The following UBA6 variants were observed in gnomAD, a reference collection of about 807,000 sequenced individuals.
UBA6 encodes the protein ubiquitin-like modifier-activating enzyme 6.
UBA6 carries 87 observed loss-of-function variants against 148.3 expected under a neutral mutation model. The observed-to-expected ratio is 0.59, with a 90% CI of 0.49 to 0.70. The LOEUF (loss-of-function observed/expected upper bound fraction) is 0.70, where lower values mean the gene tolerates loss of function less well. UBA6 is among the 30% of genes least tolerant of loss of function. The pLI, the probability that UBA6 is intolerant of heterozygous loss-of-function variation, is 0.00. For missense variants in UBA6, 1,186 were observed against 1,241.2 expected (o/e 0.96, Z 0.67); for synonymous variants, 376 against 401.0 (o/e 0.94, Z 0.75).
chr4:67,681,690 C>G (rs1730443517), intron 3 of UBA6, 99 bp from the exon 4 acceptor site: 1 of 796,926 alleles, frequency 1.3e-6, no homozygotes, highest in Non-Finnish European at 2.0e-6. Context: ...ATACTTTTAA[C>G]TTCTTTTTTT....
intron 6 of UBA6, among the ~76,000 whole-genome samples, chr4:67,675,621 C>G (rs921358681): frequency 6.6e-6 from 1 of 152,034 alleles, no homozygotes; most frequent in Admixed American, 6.6e-5. Flanking sequence ...ATCCCAGCTA[C>G]TTGGGAGGCT....
chr4:67,664,099 A>C, intron 10 of UBA6, 152 bp from the exon 11 acceptor site: 1 of 511,260 alleles, frequency 2.0e-6, no homozygotes, highest in Non-Finnish European at 3.4e-6. Context: ...CTGAAATATA[A>C]ACTAGCTACC....
At chr4:67,670,689 G>C in intron 7 of UBA6, 97 bp from the exon 8 acceptor site, 1 of 914,240 alleles carries the variant, frequency 1.1e-6, no homozygotes. Flanking sequence ...TTATAATTAA[G>C]TATACCTTAC....
chr4:67,699,463 A>C (rs1277095153), intron 1 of UBA6, among the ~76,000 whole-genome samples: 1 of 152,224 alleles, frequency 6.6e-6, no homozygotes, highest in African/African-American at 2.4e-5. Flanking sequence ...ATAGCTATTA[A>C]AAAAACTGAT....
intron 1 of UBA6, among the ~76,000 whole-genome samples, chr4:67,697,998 A>C (rs908014687): frequency 6.6e-6 from 1 of 152,160 alleles, no homozygotes; most frequent in Non-Finnish European, 1.5e-5. Flanking sequence ...CTCCAATTTC[A>C]ACTCCCACCA....
In UBA6 at chr4:67,619,003, A is replaced by C. The variant is rs1728690510; in HGVS notation, c.3153T>G (p.Thr1051=). The part of the protein sequence containing the change: ...PPVRYYFSHD[T]D Reference sequence around the variant, plus strand: ...AACGTTAAGACAACTTGTATTAATCAGTGTCATGACTGAAGTAGTATCTTA... The same window carrying C: ...AACGTTAAGACAACTTGTATTAATCCGTGTCATGACTGAAGTAGTATCTTA... The change falls in exon 33 of 33, where the codon ACT becomes ACG. Residue 1051 remains threonine (T), a synonymous_variant. Transcript: ENST00000322244. 1 of 1,613,472 alleles carries C rather than the reference A, an allele frequency of 6.2e-7. No homozygotes were observed. Among genetic ancestry groups the C allele is most frequent in the Non-Finnish European group, 8.5e-7 (1 of 1,179,810 alleles).
intron 2 of UBA6, among the ~76,000 whole-genome samples, chr4:67,691,215 C>G (rs1411095542): frequency 6.6e-6 from 1 of 151,846 alleles, no homozygotes; most frequent in Non-Finnish European, 1.5e-5. Context: ...TGCATGAAAT[C>G]TATGTACATA....
intron 13 of UBA6, among the ~76,000 whole-genome samples, chr4:67,652,646 G>A (rs939208335): frequency 1.3e-5 from 2 of 152,196 alleles, no homozygotes; most frequent in Non-Finnish European, 2.9e-5. Context: ...TCCAACTGAG[G>A]TATCTGGTTC....
chr4:67,643,067 T>C (rs1039092843), intron 17 of UBA6, among the ~76,000 whole-genome samples: 3 of 151,966 alleles, frequency 2.0e-5, no homozygotes, highest in African/African-American at 7.2e-5. Flanking sequence ...TAGCTCTCTT[T>C]ATCTCTGATC....
chr4:67,644,879 GA>G (rs143223029), intron 16 of UBA6, 101 bp from the exon 17 acceptor site: 75,013 of 482,570 alleles, frequency 0.16, 5,170 homozygotes, highest in Middle Eastern at 0.24. Context: ...CTGTTTCAAC[GA>G]AAAAAAAAAG....
At chr4:67,639,146 A>C in intron 18 of UBA6, 22 bp from the exon 19 acceptor site, 4 of 1,582,842 alleles carry the variant, frequency 2.5e-6, no homozygotes, top group Non-Finnish European at 2.6e-6. Context: ...ATATAAGCAG[A>C]AGGAATATGT....
chr4:67,681,367 C>G (rs576708250), intron 4 of UBA6, among the ~76,000 whole-genome samples, 196 bp downstream of exon 4: 1 of 152,184 alleles, frequency 6.6e-6, no homozygotes, highest in East Asian at 1.9e-4. Flanking sequence ...GAGTTGGTAA[C>G]TGATGCTTTC....
Position 67,646,754 on chromosome 4 carries a change from C to T in UBA6, c.1286G>A (p.Gly429Asp), listed in dbSNP as rs1408400218. 3.9e-5 allele frequency: 63 copies of T among 1,604,832 alleles called. No individual in the cohort carries two copies. Among genetic ancestry groups the T allele is most frequent in the Non-Finnish European group, 5.2e-5 (61 of 1,176,048 alleles). The change falls in exon 15 of 33, where the codon GGC (glycine) becomes GAC (aspartate). Residue 429 changes from glycine to aspartate, a missense_variant. Gly to Asp is a moderately conservative substitution (Grantham distance 94). Transcript: ENST00000322244. ...LEAADIVESLGKPECEEFLPR... is the reference protein window; with the variant it reads ...LEAADIVESLDKPECEEFLPR... ...GAGAAATTCTTCACATTCAGGTTTG[C>T]CTAGTGATTCAACAATATCTGCTGC...
chr4:67,682,168 G>A lies in UBA6; in HGVS notation c.180C>T (p.Ala60=), dbSNP rs1156549382. ...TCCCACTTAAGAAAACATGGGACTTGGCCATCTTCTGCATTGCTGTGTCTC... is the reference window on the plus strand; with the variant it reads ...TCCCACTTAAGAAAACATGGGACTTAGCCATCTTCTGCATTGCTGTGTCTC... ...VLGDTAMQKM[A]KSHVFLSGMG... Residue 60 remains alanine, a synonymous_variant, in exon 3 of 33, where the codon GCC becomes GCT. Coordinates refer to ENST00000322244, the MANE Select transcript of UBA6 (RefSeq NM_018227.6). 6.2e-7 allele frequency: 1 copy of A among 1,613,870 alleles called. No individual in the cohort carries two copies.
chr4:67,696,571 C>A (rs1000110873), intron 2 of UBA6, 74 bp downstream of exon 2: 25 of 1,214,746 alleles, frequency 2.1e-5, no homozygotes, highest in Non-Finnish European at 2.9e-5. Context: ...TGAATGGTAT[C>A]TTCAAAGAGA....
At chr4:67,682,499 G>A (rs1730467742) in intron 2 of UBA6, among the ~76,000 whole-genome samples, 3 of 152,134 alleles carry the variant, frequency 2.0e-5, no homozygotes, top group Non-Finnish European at 4.4e-5. Context: ...CTCCAGATTT[G>A]CCACAATCAA....
At chr4:67,671,947 C>T (rs909894872) in intron 7 of UBA6, among the ~76,000 whole-genome samples, 6 of 152,110 alleles carry the variant, frequency 3.9e-5, no homozygotes, top group Non-Finnish European at 8.8e-5. Flanking sequence ...TTACAACTCA[C>T]ACTCATCTAT....
Position 67,678,493 on chromosome 4 carries a change from T to G in UBA6, c.299A>C (p.Asp100Ala), listed in dbSNP as rs759829846. The change falls in exon 5 of 33, where the codon GAT (aspartate) becomes GCT (alanine). Residue 100 changes from aspartate to alanine, a missense_variant. Physicochemically the swap from Asp to Ala is moderately radical, Grantham distance 126 (BLOSUM62 -2). Coordinates refer to ENST00000322244, the MANE Select transcript of UBA6 (RefSeq NM_018227.6). The part of the protein sequence containing the change: ...IHDTEKCQAW[D>A]LGTNFFLSED... ...ACTGAGAAAGAAGTTGGTTCCTAGA[T>G]CCCATGCTTGGCATTTTTCTGTATC... The G allele has an allele frequency of 2.5e-6, 4 of 1,598,968 alleles. No homozygotes were observed. In the East Asian group the frequency reaches 9.0e-5, roughly 36 times the overall value.
chr4:67,640,790 C>G (rs549616375), intron 18 of UBA6, among the ~76,000 whole-genome samples: 1 of 152,306 alleles, frequency 6.6e-6, no homozygotes, highest in African/African-American at 2.4e-5. Context: ...AAACTTTTAT[C>G]TGATTTATGA....
Sources: gnomAD v4.1 joint callset for allele counts (sites outside exome capture counted in the v4.1 genomes callset) on GRCh38, gnomAD v4.1.1 for gene constraint, MANE v1.5 for transcripts, NCBI Gene and HGNC (gene_info 2026-07-23, HGNC 2026-07-21) for gene names.